Variants in PDILT observed in about 807,000 individuals in gnomAD.
PDILT encodes the protein protein disulfide isomerase like, testis expressed, also known as protein disulfide-isomerase-like protein of the testis.
In PDILT, 43 loss-of-function variants were observed where a neutral mutation model predicts 53.7. The ratio of observed to expected loss-of-function variants is 0.80; its 90% CI spans 0.63 to 1.03. PDILT has a LOEUF of 1.03. PDILT is among the 50% of genes least tolerant of loss of function. The probability of loss-of-function intolerance (pLI) is 0.00; values close to 1 mark genes in which losing one functional copy is unlikely to be tolerated. For missense variants in PDILT, 727 were observed against 712.3 expected (o/e 1.02, Z -0.24); for synonymous variants, 282 against 274.2 (o/e 1.03, Z -0.28).
chr16:20,365,802 G>T (rs1448058594), intron 8 of PDILT, among the ~76,000 whole-genome samples: 1 of 152,088 alleles, frequency 6.6e-6, no homozygotes, highest in African/African-American at 2.4e-5. Context: ...GAAGATTTAA[G>T]CCGGGCGCGG....
Position 20,359,448 on chromosome 16 carries a change from G to A in PDILT, c.1626C>T (p.Thr542=). 5 of 1,614,068 alleles carry A rather than the reference G, an allele frequency of 3.1e-6. No individual in the cohort carries two copies. Among genetic ancestry groups the A allele is most frequent in the Non-Finnish European group, 4.2e-6 (5 of 1,180,030 alleles). Residue 542 remains threonine (T), a synonymous_variant, in exon 12 of 12, where the codon ACC becomes ACT. Coordinates refer to ENST00000302451, the MANE Select transcript of PDILT (RefSeq NM_174924.2). ...GCTCTTCCAGCTTGGATACGTACTT[G>A]GTCATGTTCTCCAGCTCAGGCGACT... ...EQQSPELENM[T]KYVSKLEEPA... is the part of the protein sequence containing the mutation.
intron 8 of PDILT, among the ~76,000 whole-genome samples, chr16:20,367,264 G>A (rs559355592): frequency 4.6e-5 from 7 of 151,832 alleles, no homozygotes; most frequent in Admixed American, 6.6e-5. Context: ...CACCACACCC[G>A]GCTAATGTTT....
chr16:20,400,058 A>C (rs9929296), intron 1 of PDILT, among the ~76,000 whole-genome samples: 21,804 of 95,408 alleles, frequency 0.23, 2,481 homozygotes, highest in Non-Finnish European at 0.24. Context: ...ATCTATCTAT[A>C]TATATATATA....
chr16:20,393,336 G>A (rs758371795), intron 2 of PDILT, among the ~76,000 whole-genome samples: 3 of 152,188 alleles, frequency 2.0e-5, no homozygotes, highest in Admixed American at 6.5e-5. Flanking sequence ...GGTATTGCTC[G>A]AAGGGCTTTG....
At position 20,359,217 on chromosome 16, in the gene PDILT, C is replaced by T; in HGVS notation, c.*102G>A. On this transcript the variant is annotated 3_prime_UTR_variant, in exon 12 of 12. Transcript: ENST00000302451. ...TTATCCACCCCTACCCCCGCCCCAC[C>T]TACCCTACCACAATGATATATGCTT... is the stretch of plus-strand genomic sequence containing the variant. 6.5e-7 allele frequency: 1 copy of T among 1,530,346 alleles called. No homozygotes were observed. Among genetic ancestry groups the T allele is most frequent in the East Asian group, 2.3e-5 (1 of 44,370 alleles). The allele number at this position is 1,530,346 out of a possible 1,614,324, so 94.8% of individuals were successfully genotyped here.
At chr16:20,377,405 C>T (rs954442010) in intron 3 of PDILT, among the ~76,000 whole-genome samples, 6 of 152,068 alleles carry the variant, frequency 3.9e-5, no homozygotes, top group South Asian at 2.1e-4. Flanking sequence ...AAATATGTAC[C>T]GAGTGCTTAC....
chr16:20,383,440 G>A (rs1161682967), intron 3 of PDILT, among the ~76,000 whole-genome samples: 4 of 72,906 alleles, frequency 5.5e-5, no homozygotes, highest in Non-Finnish European at 8.8e-5. Flanking sequence ...CACTGCTCCC[G>A]CCCTCCCTCC....
chr16:20,368,587 T>C (rs1280546496), intron 8 of PDILT, among the ~76,000 whole-genome samples: 1 of 135,168 alleles, frequency 7.4e-6, no homozygotes, highest in African/African-American at 2.6e-5. Context: ...ACTTCTATTG[T>C]TCCAGACTTT....
At chr16:20,380,208 C>A (rs1476143425) in intron 3 of PDILT, among the ~76,000 whole-genome samples, 1 of 152,218 alleles carries the variant, frequency 6.6e-6, no homozygotes, top group East Asian at 1.9e-4. Flanking sequence ...TGATGGGCTG[C>A]CCTTTCCTCA....
chr16:20,371,142 G>A lies in PDILT; in HGVS notation c.919-1453C>T, dbSNP rs539661609. Among the ~76,000 whole-genome samples the A allele has an allele frequency of 2.0e-5, 3 of 152,218 alleles. No homozygotes were observed. The South Asian group carries it at 6.2e-4, about 32-fold the overall frequency. On this transcript the variant is annotated intron_variant, in intron 7 of 11. Transcript: ENST00000302451. ...GGAACCGGACCCCTTTCCAGTAACA[G>A]CTTCAGCACCATGAGGGAGAGAGAC...
intron 2 of PDILT, among the ~76,000 whole-genome samples, chr16:20,391,574 G>A (rs1204868164): frequency 6.6e-6 from 1 of 152,058 alleles, no homozygotes; most frequent in Non-Finnish European, 1.5e-5. Context: ...TAATGTGGAT[G>A]GAGAAAATTA....
rs1015975167 is a variant in PDILT at position 20,359,335 on chromosome 16, A to C, written c.1739T>G (p.Val580Gly). 1 of 1,613,554 alleles carries C rather than the reference A, an allele frequency of 6.2e-7. No homozygotes were observed. Residue 580 changes from valine to glycine, a missense_variant, in exon 12 of 12, where the codon GTC becomes GGC. Transcript: ENST00000302451. ...GPPVQKKKPK[V>G]KEEL is the part of the protein sequence containing the mutation. Reference sequence around the variant, plus strand: ...TTGGAGAAGCTAAAGTTCTTCCTTGACTTTTGGTTTCTTCTTTTGCACTGG... The same window carrying C: ...TTGGAGAAGCTAAAGTTCTTCCTTGCCTTTTGGTTTCTTCTTTTGCACTGG...
intron 8 of PDILT, among the ~76,000 whole-genome samples, chr16:20,366,972 C>A (rs1466516398): frequency 1.8e-5 from 1 of 54,598 alleles, no homozygotes; most frequent in African/African-American, 5.2e-5. Flanking sequence ...TCCTTCCTTC[C>A]TTCCTTCCTT....
intron 4 of PDILT, among the ~76,000 whole-genome samples, 183 bp from the exon 5 acceptor site, chr16:20,375,142 T>C (rs1966366472): frequency 6.6e-6 from 1 of 152,206 alleles, no homozygotes; most frequent in Non-Finnish European, 1.5e-5. Flanking sequence ...TGGCTATGAA[T>C]AAAGCCAAAA....
At chr16:20,394,818 A>G (rs1966643294) in intron 2 of PDILT, among the ~76,000 whole-genome samples, 1 of 152,172 alleles carries the variant, frequency 6.6e-6, no homozygotes, top group South Asian at 2.1e-4. Context: ...TCTAGGCCCT[A>G]AGGGGTGGCT....
At chr16:20,395,154 A>C (rs1157717070) in intron 2 of PDILT, among the ~76,000 whole-genome samples, 1 of 152,186 alleles carries the variant, frequency 6.6e-6, no homozygotes, top group Admixed American at 6.5e-5. Context: ...ATAACCTTGG[A>C]TCTTATGGCA....
At chr16:20,388,022 G>T (rs1328730910) in intron 2 of PDILT, among the ~76,000 whole-genome samples, 1 of 152,156 alleles carries the variant, frequency 6.6e-6, no homozygotes, top group Admixed American at 6.5e-5. Context: ...TGGAGGGGCT[G>T]AGAAGTGATT....
At chr16:20,362,964 C>T (rs1181786622) in intron 9 of PDILT, among the ~76,000 whole-genome samples, 9 of 146,446 alleles carry the variant, frequency 6.1e-5, no homozygotes, top group South Asian at 2.2e-4. Context: ...CCCAGCTACT[C>T]GGTAGGCTGA....
chr16:20,377,673 G>A (rs1026457335), intron 3 of PDILT, among the ~76,000 whole-genome samples: 1 of 152,156 alleles, frequency 6.6e-6, no homozygotes, highest in East Asian at 1.9e-4. Flanking sequence ...GAATGCACTG[G>A]GCCAGGCGCA....
Sources: allele counts gnomAD v4.1 joint callset (sites outside exome capture counted in the v4.1 genomes callset), GRCh38; gene constraint gnomAD v4.1.1; transcripts MANE v1.5; gene names NCBI Gene and HGNC (gene_info 2026-07-23, HGNC 2026-07-21).